DRD2: variants seen among roughly 807,000 people sequenced by gnomAD.
The protein encoded by DRD2 is D(2) dopamine receptor.
A neutral mutation model predicts 38.0 loss-of-function variants in DRD2; 8 were observed. The ratio of observed to expected loss-of-function variants is 0.21; its 90% CI spans 0.12 to 0.38. DRD2 has a LOEUF of 0.38. Ranked by LOEUF, DRD2 falls within the 10% of genes least tolerant of loss-of-function variation. The pLI, the probability that DRD2 is intolerant of heterozygous loss-of-function variation, is 1.00. For synonymous variants in DRD2, 230 were observed against 238.6 expected, an observed-to-expected ratio of 0.96 and a Z score of 0.33; for missense variants, 403 against 607.7, an observed-to-expected ratio of 0.66 and a Z score of 3.54.
chr11:113,469,472 T>C (rs562623553), intron 1 of DRD2, among the ~76,000 whole-genome samples: 18 of 152,238 alleles, frequency 1.2e-4, no homozygotes, highest in African/African-American at 2.4e-4. Context: ...GAGAGGGCTA[T>C]TGCTTTAGCC....
At chr11:113,423,814 G>C (rs527768666) in intron 2 of DRD2, among the ~76,000 whole-genome samples, 4 of 152,324 alleles carry the variant, frequency 2.6e-5, no homozygotes, top group African/African-American at 9.6e-5. Context: ...CCCAGGATAA[G>C]CTGTGGGAAG....
intron 1 of DRD2, among the ~76,000 whole-genome samples, chr11:113,425,438 G>A (rs1411735556): frequency 6.6e-6 from 1 of 152,194 alleles, no homozygotes; most frequent in East Asian, 1.9e-4. Context: ...TGATGCAGAG[G>A]GACCTGGCAA....
At chr11:113,421,928 CT>C (rs1202190129) in intron 2 of DRD2, among the ~76,000 whole-genome samples, 1 of 152,172 alleles carries the variant, frequency 6.6e-6, no homozygotes, top group African/African-American at 2.4e-5. Flanking sequence ...CCCTCCTCCC[CT>C]GACACACTCA....
At chr11:113,449,086 C>T (rs1368479228) in intron 1 of DRD2, among the ~76,000 whole-genome samples, 8 of 152,198 alleles carry the variant, frequency 5.3e-5, no homozygotes, top group Non-Finnish European at 1.2e-4. Flanking sequence ...GCTGGCCCCT[C>T]CTGTGGACAG....
At chr11:113,450,099 G>A (rs1951196511) in intron 1 of DRD2, 1 of 154,700 alleles carries the variant, frequency 6.5e-6, no homozygotes, top group African/African-American at 2.4e-5. Context: ...AAACTGGAGA[G>A]AATGGGATCC....
At chr11:113,471,369 G>C (rs946383322) in intron 1 of DRD2, among the ~76,000 whole-genome samples, 1 of 152,180 alleles carries the variant, frequency 6.6e-6, no homozygotes, top group African/African-American at 2.4e-5. Flanking sequence ...TGGTAAATAA[G>C]CAATTTGTGC....
chr11:113,414,163 T>C, intron 6 of DRD2: 1 of 634,768 alleles, frequency 1.6e-6, no homozygotes, highest in Non-Finnish European at 2.8e-6. Flanking sequence ...GCCAACCATT[T>C]TCTCGTACAC....
chr11:113,456,008 T>C (rs1172908508), intron 1 of DRD2, among the ~76,000 whole-genome samples: 1 of 152,182 alleles, frequency 6.6e-6, no homozygotes, highest in Admixed American at 6.5e-5. Context: ...GTGGCATTAT[T>C]CACAATAGCC....
intron 6 of DRD2, 94 bp downstream of exon 6, chr11:113,414,281 C>T: frequency 2.5e-6 from 3 of 1,210,352 alleles, no homozygotes; most frequent in Non-Finnish European, 3.7e-6. Flanking sequence ...GGTGCTTCTC[C>T]CATTGGCCAG....
chr11:113,438,627 C>G (rs1951060058), intron 1 of DRD2, among the ~76,000 whole-genome samples: 1 of 152,198 alleles, frequency 6.6e-6, no homozygotes, highest in Admixed American at 6.5e-5. Flanking sequence ...ATCAGGGCAC[C>G]TGGCAGGTGA....
chr11:113,452,435 CGTGTGTGT>C (rs759448996), intron 1 of DRD2, among the ~76,000 whole-genome samples: 121 of 130,404 alleles, frequency 9.3e-4, no homozygotes, highest in Admixed American at 1.5e-3. Context: ...GGTGTGCATG[CGTGTGTGT>C]GTGTGTGTGT....
At chr11:113,431,968 G>A (rs1950991401) in intron 1 of DRD2, among the ~76,000 whole-genome samples, 1 of 152,216 alleles carries the variant, frequency 6.6e-6, no homozygotes, top group African/African-American at 2.4e-5. Flanking sequence ...GTAGAGGAGG[G>A]GACAGGGAGT....
chr11:113,417,991 G>A (rs200906213), intron 3 of DRD2, 36 bp downstream of exon 3: 38 of 1,561,228 alleles, frequency 2.4e-5, no homozygotes, highest in Non-Finnish European at 3.2e-5. Flanking sequence ...AATGGTGAGT[G>A]GCCAGAGCAA....
intron 1 of DRD2, among the ~76,000 whole-genome samples, chr11:113,470,739 A>G (rs1255302294): frequency 1.3e-5 from 2 of 152,146 alleles, no homozygotes; most frequent in African/African-American, 4.8e-5. Context: ...ACCTCTGTAC[A>G]CTGTCCCATA....
At chr11:113,414,869 A>G (rs1950809621) in intron 5 of DRD2, among the ~76,000 whole-genome samples, 1 of 152,226 alleles carries the variant, frequency 6.6e-6, no homozygotes, top group Admixed American at 6.5e-5. Context: ...TCTGAACCTG[A>G]TGCGTCTAGC....
chr11:113,453,039 CCTGGGGTT>C (rs1193208498), intron 1 of DRD2, among the ~76,000 whole-genome samples: 2 of 152,074 alleles, frequency 1.3e-5, no homozygotes, highest in Non-Finnish European at 2.9e-5. Context: ...GTATTTTAGT[CCTGGGGTT>C]CTGCATCTTG....
intron 1 of DRD2, among the ~76,000 whole-genome samples, chr11:113,452,898 C>T (rs556970805): frequency 2.6e-5 from 4 of 152,028 alleles, no homozygotes; most frequent in South Asian, 2.1e-4. Flanking sequence ...GTGATCTACC[C>T]GCCTCGGCCT....
At chr11:113,460,901 G>T (rs569434738) in intron 1 of DRD2, among the ~76,000 whole-genome samples, 1 of 152,372 alleles carries the variant, frequency 6.6e-6, no homozygotes, top group South Asian at 2.1e-4. Context: ...CCCAAAGCTG[G>T]CCTGAGAACA....
At chr11:113,453,415 G>A (rs750472201) in intron 1 of DRD2, among the ~76,000 whole-genome samples, 83 of 152,168 alleles carry the variant, frequency 5.5e-4, no homozygotes, top group Non-Finnish European at 1.6e-4. Flanking sequence ...CACTCAGTCC[G>A]TGTTAACTAT....
Sources: allele counts gnomAD v4.1 joint callset (sites outside exome capture counted in the v4.1 genomes callset), GRCh38; gene constraint gnomAD v4.1.1; transcripts MANE v1.5; gene names NCBI Gene and HGNC (gene_info 2026-07-23, HGNC 2026-07-21).